The following VEPH1 variants were observed in gnomAD, a reference collection of about 807,000 sequenced individuals.
The protein encoded by VEPH1 is ventricular zone expressed PH domain containing 1.
VEPH1 carries 80 observed loss-of-function variants against 85.2 expected under a neutral mutation model. The ratio of observed to expected loss-of-function variants is 0.94; its 90% confidence interval spans 0.78 to 1.13. The LOEUF is 1.13. Ranked by LOEUF, VEPH1 falls within the 50% of genes most tolerant of loss-of-function variation. The probability of loss-of-function intolerance (pLI) is 0.00; values close to 1 mark genes in which losing one functional copy is unlikely to be tolerated. For missense variants in VEPH1, 955 were observed against 980.5 expected, an observed-to-expected ratio of 0.97 and a Z score of 0.35; for synonymous variants, 297 against 348.0, an observed-to-expected ratio of 0.85 and a Z score of 1.63.
intron 12 of VEPH1, among the ~76,000 whole-genome samples, chr3:157,278,081 T>G (rs1294511348): frequency 6.6e-6 from 1 of 152,180 alleles, no homozygotes; most frequent in East Asian, 1.9e-4. Flanking sequence ...AGAGTCCACT[T>G]CATAGAACTT....
At chr3:157,262,228 C>T (rs1339460979) in intron 13 of VEPH1, among the ~76,000 whole-genome samples, 2 of 152,020 alleles carry the variant, frequency 1.3e-5, no homozygotes, top group Admixed American at 6.6e-5. Context: ...CAACTATTGA[C>T]ATCAGGGAAG....
chr3:157,332,895 G>C (rs1297931829), intron 9 of VEPH1, among the ~76,000 whole-genome samples: 1 of 152,136 alleles, frequency 6.6e-6, no homozygotes, highest in Non-Finnish European at 1.5e-5. Context: ...TTATGAAGGA[G>C]GTGAATCTGA....
intron 9 of VEPH1, among the ~76,000 whole-genome samples, chr3:157,359,446 C>T (rs566501714): frequency 6.6e-6 from 1 of 152,288 alleles, no homozygotes; most frequent in African/African-American, 2.4e-5. Flanking sequence ...ATACTAGAGA[C>T]CTACAAGGCT....
At chr3:157,306,773 G>T (rs989522495) in intron 11 of VEPH1, among the ~76,000 whole-genome samples, 5 of 151,910 alleles carry the variant, frequency 3.3e-5, no homozygotes, top group Non-Finnish European at 7.4e-5. Flanking sequence ...GTGGGTTTTG[G>T]TTACATGGAT....
At chr3:157,483,007 C>T (rs1015126495) in intron 2 of VEPH1, among the ~76,000 whole-genome samples, 3 of 151,990 alleles carry the variant, frequency 2.0e-5, no homozygotes, top group African/African-American at 7.3e-5. Flanking sequence ...TCCACAACTA[C>T]TTAATAATGT....
At chr3:157,308,128 A>G (rs1206066476) in intron 11 of VEPH1, among the ~76,000 whole-genome samples, 1 of 151,616 alleles carries the variant, frequency 6.6e-6, no homozygotes, top group Non-Finnish European at 1.5e-5. Flanking sequence ...CTTATTGTCT[A>G]TAAATAATTT....
chr3:157,408,559 G>C (rs931028992), intron 6 of VEPH1, among the ~76,000 whole-genome samples: 2 of 152,152 alleles, frequency 1.3e-5, no homozygotes, highest in African/African-American at 4.8e-5. Context: ...TGGAAGCTGA[G>C]AGGTATAGGG....
chr3:157,328,061 T>C (rs1522392), intron 9 of VEPH1, among the ~76,000 whole-genome samples: 33,934 of 152,132 alleles, frequency 0.22, 4,621 homozygotes, highest in Admixed American at 0.41. Context: ...TGTGGCTCAA[T>C]TGGGAACACT....
intron 9 of VEPH1, among the ~76,000 whole-genome samples, chr3:157,355,838 A>C (rs1387621593): frequency 6.6e-6 from 1 of 151,476 alleles, no homozygotes; most frequent in East Asian, 1.9e-4. Flanking sequence ...GGATATTTTC[A>C]TCTGAAAAAT....
intron 6 of VEPH1, among the ~76,000 whole-genome samples, chr3:157,390,222 G>T (rs1282121789): frequency 6.6e-6 from 1 of 152,152 alleles, no homozygotes; most frequent in African/African-American, 2.4e-5. Context: ...AAAAAAGTTT[G>T]AACAATGTAA....
intron 4 of VEPH1, chr3:157,437,022 T>C (rs1482851765): frequency 1.2e-6 from 2 of 1,614,048 alleles, no homozygotes; most frequent in African/African-American, 2.7e-5. Context: ...TATGTGAATT[T>C]GGACAACGAA....
intron 13 of VEPH1, among the ~76,000 whole-genome samples, chr3:157,264,956 A>C (rs1713428703): frequency 6.6e-6 from 1 of 152,194 alleles, no homozygotes; most frequent in South Asian, 2.1e-4. Flanking sequence ...AATACAAATA[A>C]TTACTGAACA....
chr3:157,431,827 T>C (rs1365238399), intron 4 of VEPH1, among the ~76,000 whole-genome samples: 1 of 149,602 alleles, frequency 6.7e-6, no homozygotes, highest in African/African-American at 2.4e-5. Flanking sequence ...ATATTATATA[T>C]AACAAATTAT....
At chr3:157,382,244 TCA>T (rs1728862847) in intron 6 of VEPH1, among the ~76,000 whole-genome samples, 1 of 152,314 alleles carries the variant, frequency 6.6e-6, no homozygotes, top group East Asian at 1.9e-4. Context: ...AAGCTAACTT[TCA>T]CAGTCATTTA....
chr3:157,467,448 CG>C (rs1356401113), intron 3 of VEPH1, among the ~76,000 whole-genome samples: 2 of 151,980 alleles, frequency 1.3e-5, no homozygotes, highest in South Asian at 4.1e-4. Context: ...GATTTCTACA[CG>C]TTCCCCACAG....
chr3:157,392,981 G>A (rs927359731), intron 6 of VEPH1, among the ~76,000 whole-genome samples: 2 of 152,066 alleles, frequency 1.3e-5, no homozygotes, highest in African/African-American at 4.8e-5. Context: ...TTTAATCCTG[G>A]GCAACTGGAC....
intron 5 of VEPH1, among the ~76,000 whole-genome samples, chr3:157,421,051 T>G (rs1176428319): frequency 1.3e-5 from 2 of 152,170 alleles, no homozygotes; most frequent in East Asian, 3.9e-4. Flanking sequence ...AGTTATAAAT[T>G]ACTAGCCAGG....
chr3:157,472,675 A>T (rs1737077399), intron 2 of VEPH1, among the ~76,000 whole-genome samples: 1 of 151,984 alleles, frequency 6.6e-6, no homozygotes, highest in African/African-American at 2.4e-5. Context: ...TCCTCCCACC[A>T]TCTAACCACT....
At chr3:157,265,084 T>C (rs559717768) in intron 13 of VEPH1, among the ~76,000 whole-genome samples, 3 of 152,314 alleles carry the variant, frequency 2.0e-5, no homozygotes, top group Non-Finnish European at 4.4e-5. Context: ...GAATTAAACT[T>C]TGTTGACTAT....
Sources: gnomAD v4.1 joint callset for allele counts (sites outside exome capture counted in the v4.1 genomes callset) on GRCh38, gnomAD v4.1.1 for gene constraint, MANE v1.5 for transcripts, NCBI Gene and HGNC (gene_info 2026-07-23, HGNC 2026-07-21) for gene names.